ST7L: variants seen among roughly 807,000 people sequenced by gnomAD.
ST7L encodes the protein suppressor of tumorigenicity 7 protein-like.
ST7L carries 57 observed loss-of-function variants against 72.5 expected under a neutral mutation model. The ratio of observed to expected loss-of-function variants is 0.79; its 90% CI spans 0.64 to 0.98. The LOEUF is 0.98. Among genes scored for constraint, ST7L ranks in the 50% least tolerant of loss-of-function variants. ST7L has a pLI of 0.00. For synonymous variants in ST7L, 221 were observed against 240.9 expected (o/e 0.92, Z 0.77); for missense variants, 576 against 672.2 (o/e 0.86, Z 1.58).
In ST7L at chr1:112,619,003, C is replaced by T. The variant is rs766989806; in HGVS notation, c.111G>A (p.Leu37=). The part of the protein sequence containing the change: ...LGWRERLRAG[L]AGTGASLWFV... ...ACCACAACGAGGCCCCAGTCCCCGC[C>T]AGCCCGGCCCGCAGTCGCTCCCTCC... The change falls in exon 1 of 15, where the codon CTG becomes CTA. Residue 37 remains leucine, a synonymous_variant. Coordinates refer to ENST00000358039, the MANE Select transcript of ST7L (RefSeq NM_017744.5). 3.7e-6 allele frequency: 6 copies of T among 1,612,856 alleles called. No homozygotes were observed. The highest frequency in any genetic ancestry group is 1.6e-4 in the Middle Eastern group (1 of 6,082).
chr1:112,618,411 C>T, intron 1 of ST7L: 1 of 283,162 alleles, frequency 3.5e-6, no homozygotes, highest in Non-Finnish European at 5.4e-6. Context: ...GATTTCTTAA[C>T]AGAACTATTT....
intron 14 of ST7L, among the ~76,000 whole-genome samples, chr1:112,538,011 A>G (rs1207404761): frequency 6.6e-6 from 1 of 152,240 alleles, no homozygotes; most frequent in East Asian, 1.9e-4. Flanking sequence ...TTTTTAACAA[A>G]TGCATTTTAA....
At chr1:112,560,722 G>A (rs1295385066) in intron 11 of ST7L, among the ~76,000 whole-genome samples, 1 of 152,116 alleles carries the variant, frequency 6.6e-6, no homozygotes, top group Admixed American at 6.5e-5. Context: ...AGCACTTTGG[G>A]AGGCTGAGAC....
At chr1:112,599,468 T>C (rs1337762802) in intron 4 of ST7L, among the ~76,000 whole-genome samples, 1 of 152,160 alleles carries the variant, frequency 6.6e-6, no homozygotes, top group Non-Finnish European at 1.5e-5. Context: ...CCCATTCTAC[T>C]TCTGGGTAAA....
chr1:112,566,217 G>C (rs142637428), intron 11 of ST7L, among the ~76,000 whole-genome samples: 1 of 151,422 alleles, frequency 6.6e-6, no homozygotes, highest in Admixed American at 6.6e-5. Flanking sequence ...CTAAATATGC[G>C]GCTTGATGAG....
chr1:112,618,054 T>C, intron 1 of ST7L: 1 of 1,304,056 alleles, frequency 7.7e-7, no homozygotes, highest in Non-Finnish European at 1.0e-6. Context: ...TTGCTGCCTT[T>C]TGCTTCAGAA....
At chr1:112,593,286 T>C (rs1387689850) in intron 5 of ST7L, among the ~76,000 whole-genome samples, 5 of 152,184 alleles carry the variant, frequency 3.3e-5, no homozygotes, top group Admixed American at 2.0e-4. Context: ...AAAATGTATA[T>C]ATTTTTTTCT....
At position 112,619,054 on chromosome 1, in the gene ST7L, G is replaced by A. The variant is rs1670425943; in HGVS notation, c.60C>T (p.Val20=). 6.2e-7 allele frequency: 1 copy of A among 1,613,984 alleles called. No individual in the cohort carries two copies. The highest frequency in any genetic ancestry group is 1.3e-5 in the African/African-American group (1 of 75,058). The change falls in exon 1 of 15, where the codon GTC becomes GTT. Residue 20 remains valine, a synonymous_variant. Coordinates refer to ENST00000358039, the MANE Select transcript of ST7L (RefSeq NM_017744.5). ...AGCCTAGCGTCGGGTTTAGGCCAGG[G>A]ACAGATGCAGGAGACGCTCCAACAG... The part of the protein sequence containing the change: ...AAAVGASPAS[V]PGLNPTLGWR...
intron 6 of ST7L, among the ~76,000 whole-genome samples, chr1:112,584,715 T>C (rs1401205132): frequency 6.6e-6 from 1 of 152,184 alleles, no homozygotes; most frequent in Non-Finnish European, 1.5e-5. Context: ...CTAGAACTCC[T>C]GATCTCAGGT....
chr1:112,583,051 T>G (rs1012707906), intron 7 of ST7L, among the ~76,000 whole-genome samples: 1 of 152,182 alleles, frequency 6.6e-6, no homozygotes, highest in Non-Finnish European at 1.5e-5. Flanking sequence ...ACAAATGGCA[T>G]GACATTTTTA....
At chr1:112,574,736 A>C (rs1387243935) in intron 11 of ST7L, among the ~76,000 whole-genome samples, 3 of 152,256 alleles carry the variant, frequency 2.0e-5, no homozygotes, top group Non-Finnish European at 4.4e-5. Flanking sequence ...ATAATTAATA[A>C]ATAAGAATAC....
At chr1:112,550,252 G>C (rs1406184734) in intron 13 of ST7L, among the ~76,000 whole-genome samples, 5 of 152,004 alleles carry the variant, frequency 3.3e-5, no homozygotes, top group Non-Finnish European at 7.4e-5. Flanking sequence ...TCTTTGGTTT[G>C]GTATCAGGAA....
intron 11 of ST7L, among the ~76,000 whole-genome samples, chr1:112,567,997 T>C (rs1001494): frequency 0.5 from 75,736 of 152,000 alleles, 19,248 homozygotes; most frequent in East Asian, 0.64. Flanking sequence ...ATAGTTACAT[T>C]TATAGTAGAT....
chr1:112,536,972 C>A (rs945463846), intron 14 of ST7L, among the ~76,000 whole-genome samples: 1 of 152,038 alleles, frequency 6.6e-6, no homozygotes, highest in Non-Finnish European at 1.5e-5. Context: ...GCAAAGACTA[C>A]CCTGTTTAGT....
At chr1:112,592,003 A>C (rs1473930700) in intron 5 of ST7L, among the ~76,000 whole-genome samples, 1 of 152,090 alleles carries the variant, frequency 6.6e-6, no homozygotes, top group African/African-American at 2.4e-5. Flanking sequence ...AAATAAAAAT[A>C]TACAAAAACT....
chr1:112,585,517 C>T (rs1664737539), intron 6 of ST7L, among the ~76,000 whole-genome samples: 1 of 151,804 alleles, frequency 6.6e-6, no homozygotes, highest in South Asian at 2.1e-4. Flanking sequence ...CCGAGGCGGG[C>T]GGATCACGAG....
intron 3 of ST7L, among the ~76,000 whole-genome samples, chr1:112,609,422 T>G (rs190785758): frequency 6.6e-6 from 1 of 151,850 alleles, no homozygotes; most frequent in Non-Finnish European, 1.5e-5. Context: ...TTTCAGCTAC[T>G]TGGGAGGCTG....
At chr1:112,566,389 C>G (rs1248792777) in intron 11 of ST7L, among the ~76,000 whole-genome samples, 1 of 149,116 alleles carries the variant, frequency 6.7e-6, no homozygotes, top group African/African-American at 2.5e-5. Flanking sequence ...CCTCCACCTC[C>G]TGGGTTCAAG....
intron 13 of ST7L, among the ~76,000 whole-genome samples, chr1:112,542,680 A>G (rs1656319983): frequency 6.6e-6 from 1 of 152,076 alleles, no homozygotes; most frequent in African/African-American, 2.4e-5. Flanking sequence ...ACTGGAACCC[A>G]GGAGTTTGAG....
Sources: gnomAD v4.1 joint callset for allele counts (sites outside exome capture counted in the v4.1 genomes callset) on GRCh38, gnomAD v4.1.1 for gene constraint, MANE v1.5 for transcripts, NCBI Gene and HGNC (gene_info 2026-07-23, HGNC 2026-07-21) for gene names.